The following ADGRG7 variants were observed in gnomAD, a reference collection of about 807,000 sequenced individuals.
ADGRG7 encodes the protein G-protein coupled receptor 128.
In ADGRG7, 82 loss-of-function variants were observed where a neutral mutation model predicts 88.6. The ratio of observed to expected loss-of-function variants is 0.93; its 90% CI spans 0.77 to 1.11. The LOEUF is 1.11. Ranked by LOEUF, ADGRG7 falls within the 50% of genes most tolerant of loss-of-function variation. The pLI, the probability that ADGRG7 is intolerant of heterozygous loss-of-function variation, is 0.00. For missense variants in ADGRG7, 945 were observed against 953.4 expected, an observed-to-expected ratio of 0.99 and a Z score of 0.12; for synonymous variants, 381 against 345.2, an observed-to-expected ratio of 1.10 and a Z score of -1.15.
At chr3:100,644,332 G>A (rs72921090) in intron 8 of ADGRG7, among the ~76,000 whole-genome samples, 1,826 of 152,148 alleles carry the variant, frequency 0.012, 35 homozygotes, top group African/African-American at 0.041. Flanking sequence ...CGTGAATCTG[G>A]CACTCTGGAA....
Position 100,646,017 on chromosome 3 carries a change from A to G in ADGRG7, c.1019A>G (p.Lys340Arg). The G allele has an allele frequency of 3.7e-6, 6 of 1,614,064 alleles. No individual in the cohort carries two copies. Among genetic ancestry groups the G allele is most frequent in the Non-Finnish European group, 4.2e-6 (5 of 1,179,960 alleles). Residue 340 changes from lysine to arginine, a missense_variant, in exon 9 of 16, where the codon AAA becomes AGA. Coordinates refer to ENST00000273352, the MANE Select transcript of ADGRG7 (RefSeq NM_032787.3). ...KLFQSKTFTA[K>R]SDFSQKIISS... is the part of the protein sequence containing the mutation. ...TTCCAATCAAAAACTTTTACAGCTA[A>G]ATCGGATTTTAGTCAAAAAATTATC...
intron 2 of ADGRG7, among the ~76,000 whole-genome samples, 198 bp downstream of exon 2, chr3:100,629,909 G>A (rs1707436648): frequency 6.6e-6 from 1 of 152,092 alleles, no homozygotes; most frequent in African/African-American, 2.4e-5. Context: ...TATATTCAAT[G>A]CACCTTATCT....
chr3:100,689,554 T>A (rs1184767756), intron 15 of ADGRG7, among the ~76,000 whole-genome samples: 3 of 152,234 alleles, frequency 2.0e-5, no homozygotes, highest in Admixed American at 1.3e-4. Context: ...TCAGGAGCTC[T>A]TTTAGGACAG....
At chr3:100,631,129 A>G (rs948211797) in intron 3 of ADGRG7, among the ~76,000 whole-genome samples, 2 of 152,154 alleles carry the variant, frequency 1.3e-5, no homozygotes, top group Admixed American at 6.5e-5. Flanking sequence ...TAATTAAAAA[A>G]AAAGTTCTAA....
chr3:100,629,625 C>A lies in ADGRG7; in HGVS notation c.143C>A (p.Pro48His). 6.2e-7 allele frequency: 1 copy of A among 1,613,140 alleles called. No homozygotes were observed. The highest frequency in any genetic ancestry group is 1.3e-5 in the African/African-American group (1 of 74,960). ...AAATCTACTTCCTCATCAAGCACCC[C>A]TACAGAGTTCTGCAGGAATGGTGGA... ...RGKSTSSSST[P>H]TEFCRNGGTW... The change falls in exon 2 of 16, where the codon CCT becomes CAT. Residue 48 changes from proline (P) to histidine (H), a missense_variant. Pro to His is a moderately conservative substitution (Grantham distance 77). Transcript: ENST00000273352.
chr3:100,630,778 C>A lies in ADGRG7; in HGVS notation c.303C>A (p.Ser101=). Residue 101 remains serine, a synonymous_variant, in exon 3 of 16, where the codon TCC becomes TCA. Coordinates refer to ENST00000273352, the MANE Select transcript of ADGRG7 (RefSeq NM_032787.3). ...TCCCAGTGGGCAGATATGGACCATCCTTGCAAACATGTGGCAAGGATACTC... is the reference window on the plus strand; with the variant it reads ...TCCCAGTGGGCAGATATGGACCATCATTGCAAACATGTGGCAAGGATACTC... ...ARIPVGRYGP[S]LQTCGKDTPN... is the part of the protein sequence containing the mutation. 6.7e-7 allele frequency: 1 copy of A among 1,482,668 alleles called. No homozygotes were observed. The highest frequency in any genetic ancestry group is 8.9e-7 in the Non-Finnish European group (1 of 1,118,426). The allele number at this position is 1,482,668 out of a possible 1,614,324, so 91.8% of individuals were successfully genotyped here.
intron 13 of ADGRG7, among the ~76,000 whole-genome samples, chr3:100,656,317 C>G (rs1025986925): frequency 3.9e-5 from 6 of 152,122 alleles, no homozygotes; most frequent in African/African-American, 7.2e-5. Context: ...TCTTAGTTTT[C>G]TCATCCAGAA....
At chr3:100,661,462 A>G (rs2094945203) in intron 14 of ADGRG7, among the ~76,000 whole-genome samples, 1 of 152,244 alleles carries the variant, frequency 6.6e-6, no homozygotes, top group Non-Finnish European at 1.5e-5. Flanking sequence ...GCTTAACAAA[A>G]GACTGTCCCA....
intron 4 of ADGRG7, among the ~76,000 whole-genome samples, chr3:100,633,863 T>G (rs1707492325): frequency 6.6e-6 from 1 of 152,116 alleles, no homozygotes; most frequent in Non-Finnish European, 1.5e-5. Flanking sequence ...CATCAGTTTG[T>G]GAAAAAGGAC....
At chr3:100,617,109 C>T (rs908289954) in intron 1 of ADGRG7, among the ~76,000 whole-genome samples, 1 of 151,776 alleles carries the variant, frequency 6.6e-6, no homozygotes, top group South Asian at 2.1e-4. Flanking sequence ...AAAAACAAAC[C>T]ACATCATGGT....
chr3:100,654,663 A>G, intron 11 of ADGRG7, 172 bp from the exon 12 acceptor site: 1 of 537,564 alleles, frequency 1.9e-6, no homozygotes, highest in Non-Finnish European at 3.3e-6. Flanking sequence ...AGAGGAAAGT[A>G]TAGTTTTCTG....
chr3:100,666,324 C>T (rs1576331887), intron 14 of ADGRG7, among the ~76,000 whole-genome samples: 1 of 152,036 alleles, frequency 6.6e-6, no homozygotes, highest in African/African-American at 2.4e-5. Flanking sequence ...ATTGATCATT[C>T]GTGGGTGTTT....
chr3:100,622,794 C>T (rs2149014034), intron 1 of ADGRG7, among the ~76,000 whole-genome samples: 1 of 152,120 alleles, frequency 6.6e-6, no homozygotes, highest in East Asian at 1.9e-4. Context: ...TGGAGTCTCA[C>T]TCTGTTGCCC....
chr3:100,633,788 C>A (rs1422301020), intron 4 of ADGRG7, among the ~76,000 whole-genome samples: 1 of 152,166 alleles, frequency 6.6e-6, no homozygotes, highest in East Asian at 1.9e-4. Flanking sequence ...TCCCGAAGTG[C>A]AGGGATTACA....
Position 100,681,070 on chromosome 3 carries a change from T to C in ADGRG7, c.2136+11965T>C, listed in dbSNP as rs115032391. Among the ~76,000 whole-genome samples the C allele has an allele frequency of 3.4e-3, 515 of 152,322 alleles. 4 individuals are homozygous for C. The highest frequency in any genetic ancestry group is 5.0e-3 in the Non-Finnish European group (338 of 68,022). On this transcript the variant is annotated intron_variant, in intron 15 of 15. Transcript: ENST00000273352. ...GTTTTCAAAATCTGAAAAGAAGTTA[T>C]ATATTTTTCCTTTGGAAATAATTCT...
chr3:100,659,662 G>A, intron 13 of ADGRG7, 26 bp from the exon 14 acceptor site: 3 of 1,609,950 alleles, frequency 1.9e-6, no homozygotes, highest in Non-Finnish European at 2.5e-6. Context: ...TTAGTCTGCT[G>A]AAGCAATTTT....
chr3:100,626,055 A>C (rs1161504516), intron 1 of ADGRG7, among the ~76,000 whole-genome samples: 1 of 152,076 alleles, frequency 6.6e-6, no homozygotes, highest in African/African-American at 2.4e-5. Context: ...CCTCTTTTTC[A>C]ATTGTTTGGA....
rs549916449 is a variant in ADGRG7, at chr3:100,628,416, T to C, written c.116-1182T>C. ...ACTGTGTCACCCAGGCTGGATGCAG[T>C]GGTGTGATCTCAACTCACTGCAACC... On this transcript the variant is annotated intron_variant, in intron 1 of 15. Transcript: ENST00000273352. 5.3e-5 allele frequency among the ~76,000 whole-genome samples: 8 copies of C among 151,960 alleles called. No individual in the cohort carries two copies. The East Asian group carries it at 1.5e-3, about 29-fold the overall frequency.
At chr3:100,679,315 T>G (rs2094969805) in intron 15 of ADGRG7, among the ~76,000 whole-genome samples, 1 of 152,198 alleles carries the variant, frequency 6.6e-6, no homozygotes, top group African/African-American at 2.4e-5. Context: ...GGCTCTTCAG[T>G]CAGTCTGTGG....
Sources: gnomAD v4.1 joint callset for allele counts (sites outside exome capture counted in the v4.1 genomes callset) on GRCh38, gnomAD v4.1.1 for gene constraint, MANE v1.5 for transcripts, NCBI Gene and HGNC (gene_info 2026-07-23, HGNC 2026-07-21) for gene names.